FAM50B: variants seen among roughly 807,000 people sequenced by gnomAD.
The protein encoded by FAM50B is protein FAM50B.
A neutral mutation model predicts 25.4 loss-of-function variants in FAM50B; 9 were observed. The ratio of observed to expected loss-of-function variants is 0.35; its 90% CI spans 0.21 to 0.62. FAM50B has a LOEUF of 0.62. Among genes scored for constraint, FAM50B ranks in the 20% least tolerant of loss-of-function variants. The pLI, the probability that FAM50B is intolerant of heterozygous loss-of-function variation, is 0.73. For synonymous variants in FAM50B, 212 were observed against 204.3 expected, an observed-to-expected ratio of 1.04 and a Z score of -0.32; for missense variants, 372 against 477.9, an observed-to-expected ratio of 0.78 and a Z score of 2.07.
the FAM50B span, among the ~76,000 whole-genome samples, chr6:3,839,022 G>A: frequency 1.3e-5 from 2 of 151,794 alleles, no homozygotes; most frequent in Non-Finnish European, 2.9e-5. Flanking sequence ...AAAAAATATA[G>A]GTATGCATCA....
rs775669828 is a variant in FAM50B at position 3,849,894 on chromosome 6, T to C, written c.83T>C (p.Met28Thr). 1.9e-6 allele frequency: 3 copies of C among 1,612,916 alleles called. No individual in the cohort carries two copies. The African/African-American group carries it at 4.0e-5, about 22-fold the overall frequency. ...LKKRERQREQ[M>T]EVLKQRIAEE... ...AAGCGCGAAAGGCAGCGGGAGCAGA[T>C]GGAGGTGCTGAAGCAGCGCATCGCC... Residue 28 changes from methionine to threonine, a missense_variant, in exon 2 of 2, where the codon ATG becomes ACG. Met to Thr is a moderately conservative substitution (Grantham distance 81). Transcript: ENST00000648326.
chr6:3,844,697 G>C (rs1265253276), upstream of FAM50B, among the ~76,000 whole-genome samples: 1 of 152,064 alleles, frequency 6.6e-6, no homozygotes, highest in Non-Finnish European at 1.5e-5. Context: ...CTGGAAGACA[G>C]AGCCAGACTC....
At chr6:3,843,597 G>C in the FAM50B span, among the ~76,000 whole-genome samples, 2 of 152,126 alleles carry the variant, frequency 1.3e-5, no homozygotes, top group African/African-American at 4.8e-5. Context: ...AGAAGTCATA[G>C]GTTTCTTGTT....
Position 3,850,064 on chromosome 6 carries a change from G to T in FAM50B, c.253G>T (p.Glu85Ter), listed in dbSNP as rs755628628. 1 of 1,611,220 alleles carries T rather than the reference G, an allele frequency of 6.2e-7. No individual in the cohort carries two copies. The highest frequency in any genetic ancestry group is 8.5e-7 in the Non-Finnish European group (1 of 1,179,044). ...GCAGGAGGCCCTGGTCAGGGAGCGCGAGCGGCAGCTGGCCAAGCGCCAGCA... is the reference window on the plus strand; with the variant it reads ...GCAGGAGGCCCTGGTCAGGGAGCGCTAGCGGCAGCTGGCCAAGCGCCAGCA... Reference protein sequence around the residue: ...ARQEALVRERERQLAKRQHLE... With the variant: ...ARQEALVRER Residue 85 changes from glutamate (E) to a stop codon, truncating the protein, a stop_gained, in exon 2 of 2, where the codon GAG becomes TAG. Transcript: ENST00000648326. LOFTEE classifies it high-confidence loss of function.
chr6:3,834,359 C>CAAAAAAAAAAAAAAAAAAAAAGAA, the FAM50B span, among the ~76,000 whole-genome samples: 2 of 75,044 alleles, frequency 2.7e-5, no homozygotes, highest in African/African-American at 4.4e-5. Flanking sequence ...TGATATATGG[C>CAAAAAAAAAAAAAAAAAAAAAGAA]AAAAAAAAAA....
upstream of FAM50B, among the ~76,000 whole-genome samples, chr6:3,845,660 A>G (rs1285609065): frequency 6.6e-6 from 1 of 152,152 alleles, no homozygotes; most frequent in East Asian, 1.9e-4. Flanking sequence ...CTTCAGGGAT[A>G]GCACAGCGAA....
chr6:3,841,883 C>T, the FAM50B span, among the ~76,000 whole-genome samples: 1 of 152,218 alleles, frequency 6.6e-6, no homozygotes, highest in South Asian at 2.1e-4. Flanking sequence ...CTGCTGCAAA[C>T]CCGGCTGTCC....
At chr6:3,844,398 G>A (rs1178985469), upstream of FAM50B, among the ~76,000 whole-genome samples, 1 of 151,986 alleles carries the variant, frequency 6.6e-6, no homozygotes, top group Non-Finnish European at 1.5e-5. Context: ...TTAAATCAAT[G>A]ACTATGATGA....
chr6:3,848,047 G>A (rs896764153), upstream of FAM50B, among the ~76,000 whole-genome samples: 7 of 152,170 alleles, frequency 4.6e-5, no homozygotes, highest in Non-Finnish European at 1.0e-4. Context: ...CTCACAGAAC[G>A]ATGATCACAG....
At chr6:3,841,166 T>G in the FAM50B span, among the ~76,000 whole-genome samples, 1 of 152,230 alleles carries the variant, frequency 6.6e-6, no homozygotes, top group Admixed American at 6.5e-5. Flanking sequence ...GTGTATACAT[T>G]GCACAACTCT....
At position 3,850,144 on chromosome 6, in the gene FAM50B, C is replaced by G; in HGVS notation, c.333C>G (p.Arg111=). 6.2e-7 allele frequency: 1 copy of G among 1,611,310 alleles called. No homozygotes were observed. Among genetic ancestry groups the G allele is most frequent in the Non-Finnish European group, 8.5e-7 (1 of 1,179,408 alleles). ...QERQREQEQR[R]ERKRKISCLS... ...GGCAGCGGGAGCAGGAGCAGCGGCG[C>G]GAGCGCAAGCGTAAGATCTCCTGCC... is the stretch of plus-strand genomic sequence containing the variant. The change falls in exon 2 of 2, where the codon CGC becomes CGG. Residue 111 remains arginine (R), a synonymous_variant. Transcript: ENST00000648326.
rs1386806640 is a variant in FAM50B at position 3,850,528 on chromosome 6, G to A, written c.717G>A (p.Lys239=). The A allele has an allele frequency of 6.2e-7, 1 of 1,613,978 alleles. No individual in the cohort carries two copies. Among genetic ancestry groups the A allele is most frequent in the Non-Finnish European group, 8.5e-7 (1 of 1,180,020 alleles). Residue 239 remains lysine, a synonymous_variant, in exon 2 of 2, where the codon AAG becomes AAA. Transcript: ENST00000648326. ...GCGTGGAGCAGCTCATGTTCATCAA[G>A]GAGGACCTCATCCTGCCGCACTACC... ...SAGVEQLMFI[K]EDLILPHYHT...
At chr6:3,836,506 C>A in the FAM50B span, among the ~76,000 whole-genome samples, 1 of 152,278 alleles carries the variant, frequency 6.6e-6, no homozygotes, top group Non-Finnish European at 1.5e-5. Context: ...CAGTATGCAC[C>A]ATCTAGCAGA....
chr6:3,835,465 A>G, the FAM50B span, among the ~76,000 whole-genome samples: 1 of 152,170 alleles, frequency 6.6e-6, no homozygotes, highest in African/African-American at 2.4e-5. Context: ...CACATCAGCC[A>G]GCCCCATTAT....
chr6:3,848,630 G>A (rs558720510), upstream of FAM50B, among the ~76,000 whole-genome samples: 20 of 152,210 alleles, frequency 1.3e-4, no homozygotes, highest in South Asian at 4.1e-3. Context: ...CACTGGTTTC[G>A]GCGAGTGTTA....
At chr6:3,839,142 T>C in the FAM50B span, among the ~76,000 whole-genome samples, 1 of 151,842 alleles carries the variant, frequency 6.6e-6, no homozygotes, top group Non-Finnish European at 1.5e-5. Flanking sequence ...CATGAGCATC[T>C]GCTTCTGCGG....
chr6:3,846,390 C>T (rs1438554724), upstream of FAM50B, among the ~76,000 whole-genome samples: 1 of 152,156 alleles, frequency 6.6e-6, no homozygotes, highest in Non-Finnish European at 1.5e-5. Context: ...AAATAATGTG[C>T]ATAATTTCAT....
upstream of FAM50B, among the ~76,000 whole-genome samples, chr6:3,845,113 T>A (rs1356074217): frequency 6.6e-6 from 1 of 152,222 alleles, no homozygotes; most frequent in Non-Finnish European, 1.5e-5. Context: ...AAGCAGTAGC[T>A]TTTAGTTTTG....
At chr6:3,836,133 G>GA in the FAM50B span, among the ~76,000 whole-genome samples, 1 of 152,064 alleles carries the variant, frequency 6.6e-6, no homozygotes, top group African/African-American at 2.4e-5. Context: ...CCCTGCAGCA[G>GA]AAAAAAATAA....
Sources: gnomAD v4.1 joint callset for allele counts (sites outside exome capture counted in the v4.1 genomes callset) on GRCh38, gnomAD v4.1.1 for gene constraint, MANE v1.5 for transcripts, NCBI Gene and HGNC (gene_info 2026-07-23, HGNC 2026-07-21) for gene names.